The following FNDC3A variants were observed in gnomAD, a reference collection of about 807,000 sequenced individuals.
FNDC3A encodes fibronectin type-III domain-containing protein 3A.
In FNDC3A, 32 loss-of-function variants were observed where a neutral mutation model predicts 148.9. That is an observed-to-expected ratio of 0.21 (90% CI 0.16 to 0.29). The LOEUF is 0.29. Among genes scored for constraint, FNDC3A ranks in the 10% least tolerant of loss-of-function variants. The pLI is 1.00. For missense variants in FNDC3A, 1,191 were observed against 1,452.8 expected, an observed-to-expected ratio of 0.82 and a Z score of 2.93; for synonymous variants, 472 against 473.6, an observed-to-expected ratio of 1.00 and a Z score of 0.04.
chr13:49,136,713 A>T (rs1882386034), intron 6 of FNDC3A, 112 bp downstream of exon 6: 4 of 1,038,528 alleles, frequency 3.9e-6, no homozygotes, highest in Non-Finnish European at 5.5e-6. Flanking sequence ...ATAGACTGTT[A>T]CAGGCTGCTG....
At chr13:49,127,773 G>A (rs967605958) in intron 4 of FNDC3A, among the ~76,000 whole-genome samples, 7 of 152,058 alleles carry the variant, frequency 4.6e-5, no homozygotes, top group Admixed American at 4.6e-4. Flanking sequence ...AAAAAAACTT[G>A]TTCTACTCCA....
chr13:49,051,581 G>A (rs908975383), intron 2 of FNDC3A, among the ~76,000 whole-genome samples: 6 of 152,168 alleles, frequency 3.9e-5, no homozygotes, highest in African/African-American at 1.4e-4. Context: ...GTTACCTGAT[G>A]CTTTTGCCTC....
At chr13:49,054,425 C>A (rs929826793) in intron 2 of FNDC3A, among the ~76,000 whole-genome samples, 1 of 152,174 alleles carries the variant, frequency 6.6e-6, no homozygotes, top group African/African-American at 2.4e-5. Flanking sequence ...ACTACTGCCC[C>A]ACACATTGCA....
chr13:49,158,526 C>T lies in FNDC3A; in HGVS notation c.978-8718C>T, dbSNP rs557374405. Among the ~76,000 whole-genome samples, 65 of 152,288 alleles carry T rather than the reference C, an allele frequency of 4.3e-4. No homozygotes were observed. The South Asian group carries it at 0.013, about 30-fold the overall frequency. ...GCTGTAGACCGGAGCTGTTCCTATT[C>T]GGCCATCTTCGATTGCAAAAATTTT... On this transcript the variant is annotated intron_variant, in intron 8 of 25. Coordinates refer to ENST00000492622, the MANE Select transcript of FNDC3A (RefSeq NM_001079673.2).
rs117782711 is a variant in FNDC3A at position 48,980,058 on chromosome 13, T to A, written c.-40+3881T>A. On this transcript the variant is annotated intron_variant, in intron 1 of 25. Coordinates refer to ENST00000492622, the MANE Select transcript of FNDC3A (RefSeq NM_001079673.2). Reference sequence around the variant, plus strand: ...TGACTATCATGTATATATTTTTCCTTATGTTATCCTAAAAAAAAAGTATGT... The same window carrying A: ...TGACTATCATGTATATATTTTTCCTAATGTTATCCTAAAAAAAAAGTATGT... Among the ~76,000 whole-genome samples the A allele has an allele frequency of 1.9e-4, 29 of 152,244 alleles. No individual in the cohort carries two copies. In the East Asian group the frequency reaches 5.6e-3, roughly 29 times the overall value.
chr13:49,041,741 G>A (rs1362945809), intron 2 of FNDC3A, among the ~76,000 whole-genome samples: 2 of 151,208 alleles, frequency 1.3e-5, no homozygotes, highest in Non-Finnish European at 2.9e-5. Context: ...AACCCAGGAT[G>A]CGGAGGTTGC....
intron 19 of FNDC3A, 82 bp from the exon 20 acceptor site, chr13:49,196,795 A>T (rs1886177736): frequency 1.6e-6 from 1 of 643,452 alleles, no homozygotes; most frequent in Admixed American, 3.2e-5. Flanking sequence ...TTTATTAATG[A>T]ATCTTTAAAT....
intron 7 of FNDC3A, 42 bp from the exon 8 acceptor site, chr13:49,145,736 T>G (rs779189418): frequency 6.5e-7 from 1 of 1,537,514 alleles, no homozygotes; most frequent in Admixed American, 1.7e-5. Flanking sequence ...TTGTATACAT[T>G]ACAGTTGTTT....
At chr13:49,039,703 GTTTTTGTTTTTTGT>G (rs777871856) in intron 2 of FNDC3A, among the ~76,000 whole-genome samples, 4 of 151,788 alleles carry the variant, frequency 2.6e-5, no homozygotes, top group East Asian at 3.9e-4. Context: ...TACTTTTTCT[GTTTTTGTTTTTTGT>G]TTTTTGTTTT....
chr13:49,099,925 T>C (rs914296182), intron 3 of FNDC3A, among the ~76,000 whole-genome samples: 2 of 151,732 alleles, frequency 1.3e-5, no homozygotes, highest in Non-Finnish European at 2.9e-5. Context: ...CAAAAAAGAG[T>C]CAATTGAAGG....
In FNDC3A at chr13:49,191,062, A is replaced by G. The variant is rs140251173; in HGVS notation, c.1992A>G (p.Pro664=). 15 of 1,613,874 alleles carry G rather than the reference A, an allele frequency of 9.3e-6. No homozygotes were observed. The African/African-American group carries it at 9.3e-5, about 10-fold the overall frequency. The change falls in exon 18 of 26, where the codon CCA becomes CCG. Residue 664 remains proline (P), a synonymous_variant. Transcript: ENST00000492622. The part of the protein sequence containing the change: ...LVQTPAVPPG[P]CLPPRLQGRP... Reference sequence around the variant, plus strand: ...AGACTCCAGCTGTGCCTCCTGGCCCATGCCTCCCTCCCAGATTACAGGGTA... The same window carrying G: ...AGACTCCAGCTGTGCCTCCTGGCCCGTGCCTCCCTCCCAGATTACAGGGTA...
At chr13:49,111,476 A>G (rs574783416) in intron 3 of FNDC3A, among the ~76,000 whole-genome samples, 9 of 152,242 alleles carry the variant, frequency 5.9e-5, no homozygotes, top group African/African-American at 2.2e-4. Context: ...CTGTAATCCT[A>G]GCACTTTGGG....
chr13:49,119,387 A>G (rs948497667), intron 4 of FNDC3A, among the ~76,000 whole-genome samples: 1 of 152,200 alleles, frequency 6.6e-6, no homozygotes, highest in Non-Finnish European at 1.5e-5. Flanking sequence ...ATCCATGAAG[A>G]TGAGGAAAAA....
intron 1 of FNDC3A, among the ~76,000 whole-genome samples, chr13:48,980,998 T>G (rs1256388990): frequency 6.6e-6 from 1 of 152,176 alleles, no homozygotes; most frequent in Non-Finnish European, 1.5e-5. Flanking sequence ...AACTTAACTT[T>G]TGTACTTTAA....
intron 2 of FNDC3A, chr13:49,045,063 TTCCTTTCCCTTTCCCTTTCCTTTC>T (rs1276120298): frequency 1.9e-5 from 4 of 205,454 alleles, no homozygotes; most frequent in Non-Finnish European, 4.0e-5. Context: ...CCTTTCCCTT[TTCCTTTCCCTTTCCCTTTCCTTTC>T]CCTTTCCCTT....
At chr13:49,152,520 T>TC (rs1883369688) in intron 8 of FNDC3A, among the ~76,000 whole-genome samples, 1 of 152,140 alleles carries the variant, frequency 6.6e-6, no homozygotes, top group Non-Finnish European at 1.5e-5. Flanking sequence ...TTGGTTTTTT[T>TC]TTAATTATAC....
chr13:49,132,077 G>A lies in FNDC3A; in HGVS notation c.490+703G>A, dbSNP rs144960674. On this transcript the variant is annotated intron_variant, in intron 5 of 25. Transcript: ENST00000492622. ...AGTCACTTAGTTTGCTCAAATGAAA[G>A]CCAGATGGTCAAATTTGATTTCTCC... Among the ~76,000 whole-genome samples the A allele has an allele frequency of 9.2e-5, 14 of 152,262 alleles. No homozygotes were observed. In the South Asian group the frequency reaches 1.7e-3, roughly 18 times the overall value.
In FNDC3A at chr13:48,975,932, A is replaced by C. The variant is rs1007933113; in HGVS notation, c.-285A>C. 2.6e-5 allele frequency: 4 copies of C among 152,038 alleles called. No individual in the cohort carries two copies. Among genetic ancestry groups the C allele is most frequent in the Admixed American group, 2.6e-4 (4 of 15,262 alleles). The allele number at this position is 152,038 out of a possible 1,614,324, so 9.4% of individuals were successfully genotyped here. A position where few individuals can be genotyped will look rare whatever the true frequency, so the allele number is the denominator to read the frequency against. ...TCCTCCTCCCGGCTCCGTAGTAAGC[A>C]TGGCGGCGGCGGCGTTCGTGGTCCC... On this transcript the variant is annotated 5_prime_UTR_variant, in exon 1 of 26. An upstream start codon of the reference 5' UTR is lost. Transcript: ENST00000492622.
intron 8 of FNDC3A, among the ~76,000 whole-genome samples, chr13:49,159,623 C>T (rs1244224077): frequency 6.6e-6 from 1 of 152,176 alleles, no homozygotes; most frequent in Non-Finnish European, 1.5e-5. Context: ...TTTCTCCTGC[C>T]TGATTGCCCT....
Sources: gnomAD v4.1 joint callset for allele counts (sites outside exome capture counted in the v4.1 genomes callset) on GRCh38, gnomAD v4.1.1 for gene constraint, MANE v1.5 for transcripts, NCBI Gene and HGNC (gene_info 2026-07-23, HGNC 2026-07-21) for gene names.